The following DLC1 variants were observed in gnomAD, a reference collection of about 807,000 sequenced individuals.
DLC1 encodes DLC1 Rho GTPase activating protein.
In DLC1, 54 loss-of-function variants were observed where a neutral mutation model predicts 140.3. That is an observed-to-expected ratio of 0.38 (90% CI 0.31 to 0.48). DLC1 has a LOEUF of 0.48. Ranked by LOEUF, DLC1 falls within the 20% of genes least tolerant of loss-of-function variation. The pLI, the probability that DLC1 is intolerant of heterozygous loss-of-function variation, is 0.96. For missense variants in DLC1, 2,536 were observed against 1,907.0 expected, an observed-to-expected ratio of 1.33 and a Z score of -6.14; for synonymous variants, 986 against 728.1, an observed-to-expected ratio of 1.35 and a Z score of -5.70.
intron 5 of DLC1, among the ~76,000 whole-genome samples, chr8:13,247,827 A>T (rs1018021051): frequency 6.6e-6 from 1 of 152,144 alleles, no homozygotes; most frequent in Admixed American, 6.5e-5. Context: ...TCCTAACCAA[A>T]CCATGTGATA....
chr8:13,482,617 T>C (rs917010758), intron 2 of DLC1, among the ~76,000 whole-genome samples: 1 of 152,204 alleles, frequency 6.6e-6, no homozygotes, highest in Non-Finnish European at 1.5e-5. Context: ...CTATACGTCA[T>C]AGTTACCTTT....
chr8:13,459,436 GT>G (rs1427369400), intron 2 of DLC1, among the ~76,000 whole-genome samples: 1 of 152,168 alleles, frequency 6.6e-6, no homozygotes, highest in African/African-American at 2.4e-5. Flanking sequence ...TGAAAGAAAG[GT>G]TTTTTCCCTC....
intron 7 of DLC1, among the ~76,000 whole-genome samples, chr8:13,108,238 A>T (rs1819758308): frequency 6.6e-6 from 1 of 152,112 alleles, no homozygotes; most frequent in Non-Finnish European, 1.5e-5. Flanking sequence ...GTGAACTCTG[A>T]AGAATTTCCT....
chr8:13,369,753 C>T (rs1419643599), intron 4 of DLC1, among the ~76,000 whole-genome samples: 1 of 152,016 alleles, frequency 6.6e-6, no homozygotes, highest in Non-Finnish European at 1.5e-5. Context: ...TGCCTCCTGC[C>T]TGGTCTCCTG....
At chr8:13,184,554 T>C (rs955680767) in intron 5 of DLC1, among the ~76,000 whole-genome samples, 1 of 152,194 alleles carries the variant, frequency 6.6e-6, no homozygotes, top group Admixed American at 6.5e-5. Flanking sequence ...ATTTCATTAT[T>C]TACCCAGTAG....
chr8:13,185,122 C>CT (rs1193667992), intron 5 of DLC1, among the ~76,000 whole-genome samples: 10,911 of 84,182 alleles, frequency 0.13, 846 homozygotes, highest in African/African-American at 0.16. Context: ...GCAACCCCTG[C>CT]TTTTTTTTTT....
intron 5 of DLC1, among the ~76,000 whole-genome samples, chr8:13,223,081 C>T (rs1024429224): frequency 2.0e-5 from 3 of 152,022 alleles, no homozygotes; most frequent in South Asian, 2.1e-4. Flanking sequence ...CTAGTTCTAT[C>T]GGTTATTAGT....
intron 4 of DLC1, among the ~76,000 whole-genome samples, chr8:13,310,396 C>T (rs1586112168): frequency 6.6e-6 from 1 of 152,042 alleles, no homozygotes; most frequent in South Asian, 2.1e-4. Context: ...TTTCTTCCCA[C>T]AAAAATTTGT....
chr8:13,207,008 A>G (rs1042140945), intron 5 of DLC1, among the ~76,000 whole-genome samples: 1 of 152,208 alleles, frequency 6.6e-6, no homozygotes, highest in Non-Finnish European at 1.5e-5. Context: ...ACAATGAGTG[A>G]GCAAGTAAGT....
intron 5 of DLC1, among the ~76,000 whole-genome samples, chr8:13,119,541 C>T (rs1206719831): frequency 2.0e-5 from 3 of 152,156 alleles, no homozygotes; most frequent in African/African-American, 7.2e-5. Flanking sequence ...CCTGTCTAAG[C>T]GCTAGTGCAT....
At chr8:13,165,984 T>A (rs1306138330) in intron 5 of DLC1, among the ~76,000 whole-genome samples, 1 of 152,168 alleles carries the variant, frequency 6.6e-6, no homozygotes, top group Non-Finnish European at 1.5e-5. Context: ...TATGTCACTA[T>A]TTCCACCACT....
chr8:13,128,607 CG>C (rs1332648456), intron 5 of DLC1, among the ~76,000 whole-genome samples: 2 of 152,106 alleles, frequency 1.3e-5, no homozygotes, highest in African/African-American at 2.4e-5. Flanking sequence ...CCGAGGCGGG[CG>C]GATCACGAGG....
intron 2 of DLC1, among the ~76,000 whole-genome samples, chr8:13,413,738 A>G (rs1457818452): frequency 6.6e-6 from 1 of 152,066 alleles, no homozygotes; most frequent in African/African-American, 2.4e-5. Flanking sequence ...GTCTCCTGCC[A>G]CCTAGTAAAG....
intron 5 of DLC1, among the ~76,000 whole-genome samples, chr8:13,221,726 G>GTATATATA (rs377039517): frequency 2.6e-4 from 35 of 132,434 alleles, no homozygotes; most frequent in African/African-American, 1.0e-3. Context: ...GTGTGTGTGT[G>GTATATATA]TATATATATA....
chr8:13,312,498 A>G (rs1390538753), intron 4 of DLC1, among the ~76,000 whole-genome samples: 1 of 151,758 alleles, frequency 6.6e-6, no homozygotes, highest in East Asian at 1.9e-4. Context: ...CTGTATCTCT[A>G]AGAAATTTAC....
At chr8:13,253,838 G>C (rs1000345128) in intron 5 of DLC1, among the ~76,000 whole-genome samples, 2 of 151,924 alleles carry the variant, frequency 1.3e-5, no homozygotes, top group Non-Finnish European at 2.9e-5. Context: ...TTAGAGTCTG[G>C]GGAAAAAAAC....
chr8:13,392,549 G>A (rs941546671), intron 4 of DLC1, among the ~76,000 whole-genome samples: 1 of 152,056 alleles, frequency 6.6e-6, no homozygotes, highest in African/African-American at 2.4e-5. Context: ...TAAATGCAGT[G>A]AACAAGCAAT....
intron 2 of DLC1, among the ~76,000 whole-genome samples, chr8:13,484,997 C>T (rs1472139372): frequency 6.6e-6 from 1 of 152,084 alleles, no homozygotes; most frequent in African/African-American, 2.4e-5. Context: ...GTACCCATTC[C>T]TTGAAAATGC....
At chr8:13,258,875 C>A (rs942713028) in intron 5 of DLC1, among the ~76,000 whole-genome samples, 23 of 152,060 alleles carry the variant, frequency 1.5e-4, no homozygotes, top group Non-Finnish European at 3.1e-4. Flanking sequence ...CGGTGGCTCA[C>A]GCCTGTAATC....
Sources: allele counts gnomAD v4.1 joint callset (sites outside exome capture counted in the v4.1 genomes callset), GRCh38; gene constraint gnomAD v4.1.1; transcripts MANE v1.5; gene names NCBI Gene and HGNC (gene_info 2026-07-23, HGNC 2026-07-21).